The following ANKRD6 variants were observed in gnomAD, a reference collection of about 807,000 sequenced individuals.
The protein encoded by ANKRD6 is ankyrin repeat domain-containing protein 6.
Under a neutral mutation model 82.3 loss-of-function variants are expected in ANKRD6, and 56 were observed. The observed-to-expected ratio is 0.68, with a 90% CI of 0.55 to 0.85. ANKRD6 has a LOEUF of 0.85. Among genes scored for constraint, ANKRD6 ranks in the 40% least tolerant of loss-of-function variants. The pLI, the probability that ANKRD6 is intolerant of heterozygous loss-of-function variation, is 0.00. For synonymous variants in ANKRD6, 347 were observed against 352.1 expected, an observed-to-expected ratio of 0.99 and a Z score of 0.16; for missense variants, 852 against 907.6, an observed-to-expected ratio of 0.94 and a Z score of 0.79.
At chr6:89,447,917 C>A (rs1159350332) in intron 1 of ANKRD6, among the ~76,000 whole-genome samples, 2 of 148,626 alleles carry the variant, frequency 1.3e-5, no homozygotes, top group Non-Finnish European at 3.0e-5. Context: ...GAACTCCCAA[C>A]CTCAAGTGAT....
intron 2 of ANKRD6, among the ~76,000 whole-genome samples, chr6:89,576,057 C>CTT (rs1233357443): frequency 6.8e-6 from 1 of 146,462 alleles, no homozygotes; most frequent in Admixed American, 6.8e-5. Context: ...AACTTTCTTT[C>CTT]TTTTTTTTTT....
intron 1 of ANKRD6, among the ~76,000 whole-genome samples, chr6:89,478,738 CAG>C (rs1439976085): frequency 7.9e-6 from 1 of 126,388 alleles, no homozygotes; most frequent in Non-Finnish European, 1.6e-5. Flanking sequence ...GCCTGGGCGA[CAG>C]AGTGAGACTC....
chr6:89,567,978 G>A (rs1788915550), intron 2 of ANKRD6, among the ~76,000 whole-genome samples: 1 of 152,230 alleles, frequency 6.6e-6, no homozygotes, highest in South Asian at 2.1e-4. Flanking sequence ...CTGACCTCCT[G>A]TGGCAGATCG....
rs1240873114 is a variant in ANKRD6 at position 89,623,455 on chromosome 6, G to T, written c.943G>T (p.Ala315Ser). 1 of 1,610,416 alleles carries T rather than the reference G, an allele frequency of 6.2e-7. No individual in the cohort carries two copies. The highest frequency in any genetic ancestry group is 2.2e-5 in the East Asian group (1 of 44,804). The change falls in exon 11 of 16, where the codon GCC becomes TCC. Residue 315 changes from alanine (A) to serine (S), a missense_variant. Transcript: ENST00000339746. ...CACCCCCAGCAGTGAACAGGCTGTG[G>T]CCAGAAAAGAAGAAGCCAGAGAAGA... Reference protein sequence around the residue: ...GDTPSSEQAVARKEEAREEFL... With the variant: ...GDTPSSEQAVSRKEEAREEFL...
At chr6:89,523,559 G>C (rs1782124299) in intron 1 of ANKRD6, among the ~76,000 whole-genome samples, 1 of 152,138 alleles carries the variant, frequency 6.6e-6, no homozygotes, top group Non-Finnish European at 1.5e-5. Flanking sequence ...CTAGAGAAGA[G>C]CTTTATTTAG....
chr6:89,515,999 C>G (rs1033569518), intron 1 of ANKRD6, among the ~76,000 whole-genome samples: 2 of 152,178 alleles, frequency 1.3e-5, no homozygotes. Flanking sequence ...CAATTTTCCC[C>G]TAGAGCCTCT....
At chr6:89,574,278 GA>G (rs1162391238) in intron 2 of ANKRD6, among the ~76,000 whole-genome samples, 1 of 151,504 alleles carries the variant, frequency 6.6e-6, no homozygotes, top group Non-Finnish European at 1.5e-5. Context: ...TCTTGCCATA[GA>G]TGTGCTGGTA....
intron 2 of ANKRD6, among the ~76,000 whole-genome samples, chr6:89,574,246 G>A (rs956565841): frequency 2.6e-5 from 4 of 152,152 alleles, no homozygotes; most frequent in African/African-American, 9.7e-5. Context: ...GCATTGTAGG[G>A]TATTTAGCAG....
At chr6:89,468,396 G>A (rs183117728) in intron 1 of ANKRD6, among the ~76,000 whole-genome samples, 2 of 151,926 alleles carry the variant, frequency 1.3e-5, no homozygotes, top group African/African-American at 4.8e-5. Context: ...TAAATATTTC[G>A]ATCTTATTTA....
chr6:89,598,397 G>T, intron 3 of ANKRD6: 4 of 985,342 alleles, frequency 4.1e-6, no homozygotes, highest in Non-Finnish European at 4.8e-6. Flanking sequence ...GGGAAGGTTA[G>T]GAAGGACCCT....
At chr6:89,468,514 T>C (rs1246933781) in intron 1 of ANKRD6, among the ~76,000 whole-genome samples, 1 of 149,414 alleles carries the variant, frequency 6.7e-6, no homozygotes, top group Non-Finnish European at 1.5e-5. Context: ...GTGTTCAACC[T>C]TTTGGCTTCC....
intron 1 of ANKRD6, among the ~76,000 whole-genome samples, chr6:89,441,818 G>C (rs1013870089): frequency 6.6e-6 from 1 of 151,084 alleles, no homozygotes; most frequent in Non-Finnish European, 1.5e-5. Flanking sequence ...TTTTAGTAGA[G>C]ATGGGGTTTC....
At chr6:89,577,982 G>A (rs374843005) in intron 2 of ANKRD6, among the ~76,000 whole-genome samples, 7 of 152,312 alleles carry the variant, frequency 4.6e-5, no homozygotes, top group Admixed American at 3.3e-4. Flanking sequence ...CTCTCCCTGA[G>A]TAACGAAATT....
At chr6:89,626,361 C>T (rs1036644541) in intron 13 of ANKRD6, among the ~76,000 whole-genome samples, 1 of 152,044 alleles carries the variant, frequency 6.6e-6, no homozygotes, top group Non-Finnish European at 1.5e-5. Flanking sequence ...AAGAAAGGAC[C>T]GTGGCACCCT....
chr6:89,539,854 A>T (rs1583170129), intron 1 of ANKRD6, among the ~76,000 whole-genome samples: 1 of 143,566 alleles, frequency 7.0e-6, no homozygotes, highest in African/African-American at 2.6e-5. Context: ...AGTTCAATTG[A>T]TTTGATTTTT....
At chr6:89,552,203 G>A (rs1785946928) in intron 1 of ANKRD6, among the ~76,000 whole-genome samples, 1 of 152,246 alleles carries the variant, frequency 6.6e-6, no homozygotes, top group Non-Finnish European at 1.5e-5. Context: ...GCTGACTTCA[G>A]ACAGGGTATT....
At chr6:89,497,587 A>G (rs1778779663) in intron 1 of ANKRD6, among the ~76,000 whole-genome samples, 1 of 152,200 alleles carries the variant, frequency 6.6e-6, no homozygotes, top group Non-Finnish European at 1.5e-5. Context: ...TGTGTCTTTT[A>G]AACACTTTAC....
intron 7 of ANKRD6, among the ~76,000 whole-genome samples, chr6:89,615,880 T>C (rs1206466489): frequency 1.3e-5 from 2 of 152,228 alleles, no homozygotes; most frequent in African/African-American, 4.8e-5. Context: ...CCTTTCATAG[T>C]TGATTTTGTG....
intron 1 of ANKRD6, among the ~76,000 whole-genome samples, chr6:89,476,597 G>A (rs1776066650): frequency 1.3e-5 from 2 of 152,048 alleles, no homozygotes; most frequent in Non-Finnish European, 2.9e-5. Context: ...ACCATACTTT[G>A]TTAATTCAGT....
Sources: gnomAD v4.1 joint callset for allele counts (sites outside exome capture counted in the v4.1 genomes callset) on GRCh38, gnomAD v4.1.1 for gene constraint, MANE v1.5 for transcripts, NCBI Gene and HGNC (gene_info 2026-07-23, HGNC 2026-07-21) for gene names.